The following NLRC3 variants were observed in gnomAD, a reference collection of about 807,000 sequenced individuals.
NLRC3 encodes the protein NLR family CARD domain containing 3, also known as NLR family CARD domain-containing protein 3.
NLRC3 carries 87 observed loss-of-function variants against 91.6 expected under a neutral mutation model. That is an observed-to-expected ratio of 0.95 (90% confidence interval 0.80 to 1.14). The LOEUF is 1.14. NLRC3 is among the 50% of genes most tolerant of loss of function. NLRC3 has a pLI of 0.00. For missense variants in NLRC3, 1,577 were observed against 1,418.6 expected, an observed-to-expected ratio of 1.11 and a Z score of -1.79; for synonymous variants, 694 against 625.3, an observed-to-expected ratio of 1.11 and a Z score of -1.64.
chr16:3,545,314 A>G (rs1347951765), intron 15 of NLRC3: 1 of 151,896 alleles, frequency 6.6e-6, no homozygotes, highest in Non-Finnish European at 1.5e-5. Flanking sequence ...GGGTGGGTGT[A>G]TTTTTAGTAG....
rs1233133572 is a variant in NLRC3, at chr16:3,563,123, G to T, written c.1814C>A (p.Ala605Asp). 6 of 1,581,380 alleles carry T rather than the reference G, an allele frequency of 3.8e-6. No individual in the cohort carries two copies. The highest frequency in any genetic ancestry group is 5.2e-6 in the Non-Finnish European group (6 of 1,164,654). The change falls in exon 5 of 20, where the codon GCC becomes GAC. Residue 605 changes from alanine (A) to aspartate (D), a missense_variant. Coordinates refer to ENST00000359128, the MANE Select transcript of NLRC3 (RefSeq NM_178844.4). The stretch of plus-strand genomic sequence containing the variant: ...GGCGTCGGACACCTGCAGGAGGTAG[G>T]CCAGGGCAGCGCGGTGCGCGGGACC... ...LTGPAHRAALAYLLQVSDACA... is the reference protein window; with the variant it reads ...LTGPAHRAALDYLLQVSDACA...
chr16:3,567,860 CT>C (rs1421618768), intron 1 of NLRC3, among the ~76,000 whole-genome samples: 1 of 145,946 alleles, frequency 6.9e-6, no homozygotes, highest in Non-Finnish European at 1.5e-5. Flanking sequence ...GGGAGCCTAG[CT>C]TTTTCTTTCT....
In NLRC3 at chr16:3,564,036, TCTG is replaced by T; in HGVS notation, c.898_900del (p.Gln300del). ...AGAAGGGCCTGGTCCTCGGGGAACA[TCTG>T]CTCCAAACACACCTTGATCTCCTCC... On this transcript the variant is annotated inframe_deletion, in exon 5 of 20. Coordinates refer to ENST00000359128, the MANE Select transcript of NLRC3 (RefSeq NM_178844.4). This position sits in a 1 kb window ranked among gnomAD's most constrained non-coding sequence, Gnocchi z 5.9. 6.2e-7 allele frequency: 1 copy of T among 1,611,832 alleles called. No homozygotes were observed. The highest frequency in any genetic ancestry group is 1.1e-5 in the South Asian group (1 of 91,084).
intron 6 of NLRC3, among the ~76,000 whole-genome samples, chr16:3,559,626 CTTTTCTTTTTTT>C (rs943006669): frequency 8.0e-5 from 12 of 149,332 alleles, no homozygotes; most frequent in South Asian, 2.1e-4. Context: ...CATTCTTTTA[CTTTTCTTTTTTT>C]TTTTCTTTTT....
At chr16:3,545,777 A>G (rs1003303191) in intron 15 of NLRC3, 1 of 152,190 alleles carries the variant, frequency 6.6e-6, no homozygotes, top group Admixed American at 6.5e-5. Flanking sequence ...ACCCAAACGA[A>G]TTGAATTCCT....
rs558213496 is a variant in NLRC3 at position 3,542,197 on chromosome 16, T to G, written c.3101A>C (p.His1034Pro). ...TALSGNHRLQ[H>P]INLQGNHIGD... ...GAAGGGCAGGTGCACTCACTTGATATGCTGGAGCCTGTGGTTTCCAGACAG... is the reference window on the plus strand; with the variant it reads ...GAAGGGCAGGTGCACTCACTTGATAGGCTGGAGCCTGTGGTTTCCAGACAG... Residue 1034 changes from histidine to proline, a missense_variant, in exon 19 of 20, where the codon CAT becomes CCT. His to Pro is a moderately conservative substitution (Grantham distance 77, BLOSUM62 -2). Coordinates refer to ENST00000359128, the MANE Select transcript of NLRC3 (RefSeq NM_178844.4). The G allele has an allele frequency of 1.3e-6, 2 of 1,579,982 alleles. No individual in the cohort carries two copies. Among genetic ancestry groups the G allele is most frequent in the South Asian group, 1.2e-5 (1 of 86,060 alleles).
chr16:3,562,701 C>A (rs947533974), intron 5 of NLRC3, among the ~76,000 whole-genome samples: 18 of 151,880 alleles, frequency 1.2e-4, no homozygotes, highest in Admixed American at 6.6e-4. Flanking sequence ...GACCAGGCGA[C>A]GGGAGAGACT....
chr16:3,557,592 C>A lies in NLRC3; in HGVS notation c.2099+1G>T. The A allele has an allele frequency of 1.2e-6, 2 of 1,608,036 alleles. No individual in the cohort carries two copies. The highest frequency in any genetic ancestry group is 8.5e-7 in the Non-Finnish European group (1 of 1,174,794). On this transcript the variant is annotated splice_donor_variant, in intron 7 of 19. Transcript: ENST00000359128. LOFTEE classifies it high-confidence loss of function. ...GTTCGGCCTTGGTTGTCCTTACTTA[C>A]TCCAGAGAGGTCAGACTTCTGTTGA...
At chr16:3,575,230 G>A (rs893402369) in intron 1 of NLRC3, among the ~76,000 whole-genome samples, 1 of 152,134 alleles carries the variant, frequency 6.6e-6, no homozygotes, top group Non-Finnish European at 1.5e-5. Context: ...GCCATTGCCA[G>A]CACCTCCCAG....
Position 3,563,580 on chromosome 16 carries a change from A to T in NLRC3, c.1357T>A (p.Phe453Ile), listed in dbSNP as rs746601651. ...ETLASSVAYCFTHLSLQEFVA... is the reference protein window; with the variant it reads ...ETLASSVAYCITHLSLQEFVA... ...AACTCCTGCAGGGACAGGTGGGTGAAGCAGTAGGCCACTGACGATGCCAAC... is the reference window on the plus strand; with the variant it reads ...AACTCCTGCAGGGACAGGTGGGTGATGCAGTAGGCCACTGACGATGCCAAC... Residue 453 changes from phenylalanine (F) to isoleucine (I), a missense_variant, in exon 5 of 20, where the codon TTC becomes ATC. Coordinates refer to ENST00000359128, the MANE Select transcript of NLRC3 (RefSeq NM_178844.4). 2 of 1,612,836 alleles carry T rather than the reference A, an allele frequency of 1.2e-6. No individual in the cohort carries two copies. Among genetic ancestry groups the T allele is most frequent in the Non-Finnish European group, 1.7e-6 (2 of 1,179,636 alleles).
At chr16:3,551,725 AT>A (rs2151088388) in intron 10 of NLRC3, among the ~76,000 whole-genome samples, 1 of 80,880 alleles carries the variant, frequency 1.2e-5, no homozygotes, top group African/African-American at 5.3e-5. Flanking sequence ...CTACTCGTTC[AT>A]TCAACCATCC....
intron 1 of NLRC3, among the ~76,000 whole-genome samples, chr16:3,568,799 CCTT>C (rs1314394953): frequency 1.3e-5 from 2 of 152,052 alleles, no homozygotes; most frequent in Admixed American, 1.3e-4. Flanking sequence ...AATTTGAGGT[CCTT>C]CTTTAGATCC....
Position 3,561,629 on chromosome 16 carries a change from G to A in NLRC3, c.2015+73C>T, listed in dbSNP as rs920443639. 15 of 1,040,568 alleles carry A rather than the reference G, an allele frequency of 1.4e-5. No homozygotes were observed. The African/African-American group carries it at 2.0e-4, about 14-fold the overall frequency. The allele number at this position is 1,040,568 out of a possible 1,614,324, so 64.5% of individuals were successfully genotyped here. On this transcript the variant is annotated intron_variant, in intron 6 of 19. Transcript: ENST00000359128. ...GGCAGCGCCGCTGGCCAGCTGAGCA[G>A]AGGATGATGGGAAGAGGGTTCCATA...
chr16:3,548,277 G>C, intron 14 of NLRC3, 59 bp from the exon 15 acceptor site: 1 of 1,342,798 alleles, frequency 7.4e-7, no homozygotes. Flanking sequence ...CCCTGGGGCA[G>C]AGCCAAGGAG....
In NLRC3 at chr16:3,572,240, G is replaced by A. The variant is rs1291074426; in HGVS notation, c.-169+4909C>T. Among the ~76,000 whole-genome samples, 6 of 151,862 alleles carry A rather than the reference G, an allele frequency of 4.0e-5. No homozygotes were observed. In the East Asian group the frequency reaches 5.8e-4, roughly 15 times the overall value. ...AAGAATAAACTATCATTTTTCATAC[G>A]TCTCATTGGTGAATATTATAACATA... On this transcript the variant is annotated intron_variant, in intron 1 of 19. Coordinates refer to ENST00000359128, the MANE Select transcript of NLRC3 (RefSeq NM_178844.4).
chr16:3,565,831 C>T (rs752171816), intron 2 of NLRC3, among the ~76,000 whole-genome samples: 33 of 151,890 alleles, frequency 2.2e-4, no homozygotes, highest in Non-Finnish European at 1.5e-5. Flanking sequence ...CGCTTGAGCC[C>T]AGGAGTTTGA....
In NLRC3 at chr16:3,564,991, G is replaced by A. The variant is rs1399309862; in HGVS notation, c.46C>T (p.His16Tyr). 1 of 1,610,408 alleles carries A rather than the reference G, an allele frequency of 6.2e-7. No individual in the cohort carries two copies. The highest frequency in any genetic ancestry group is 2.2e-5 in the East Asian group (1 of 44,872). The change falls in exon 4 of 20, where the codon CAC becomes TAC. Residue 16 changes from histidine (H) to tyrosine (Y), a missense_variant. Transcript: ENST00000359128. The surrounding 1 kb of genome is among the most constrained non-coding windows in gnomAD (Gnocchi z 5.9). ...TGCTCGGCTGGGGAGCCCGTACCGT[G>A]GCCCTGGCCGGCCTCCCTGCCCGTC... The part of the protein sequence containing the change: ...VRTGREAGQG[H>Y]GTGSPAEQVK...
At position 3,565,075 on chromosome 16, in the gene NLRC3, C is replaced by G. The variant is rs752173449; in HGVS notation, c.-24-15G>C. 1 of 1,585,510 alleles carries G rather than the reference C, an allele frequency of 6.3e-7. No homozygotes were observed. The highest frequency in any genetic ancestry group is 1.7e-5 in the Admixed American group (1 of 59,496). ...ACCTCCAGGAGCTGTGAAGAGAGGG[C>G]CTGAACCTGCTGCCTGCCGTGCCCC... On this transcript the variant is annotated splice_polypyrimidine_tract_variant and intron_variant, in intron 3 of 19. Coordinates refer to ENST00000359128, the MANE Select transcript of NLRC3 (RefSeq NM_178844.4).
At position 3,542,702 on chromosome 16, in the gene NLRC3, G is replaced by A. The variant is rs1236058017; in HGVS notation, c.3013C>T (p.Arg1005Trp). ...CCTCCAGCCACTTACTTGAGTCTCC[G>A]GAGACTTGAGTTTACCTTCAGAGCA... ...ANALKVNSSL[R>W]RLNLQENSLG... Residue 1005 changes from arginine to tryptophan, a missense_variant, in exon 18 of 20, where the codon CGG becomes TGG. Transcript: ENST00000359128. 9.9e-6 allele frequency: 16 copies of A among 1,608,184 alleles called. No homozygotes were observed. In the Admixed American group the frequency reaches 1.2e-4, roughly 12 times the overall value.
Sources: allele counts gnomAD v4.1 joint callset (sites outside exome capture counted in the v4.1 genomes callset), GRCh38; gene constraint gnomAD v4.1.1; non-coding constraint Gnocchi (gnomAD v3.1); transcripts MANE v1.5; gene names NCBI Gene and HGNC (gene_info 2026-07-23, HGNC 2026-07-21).